The following OR11A1 variants were observed in gnomAD, a reference collection of about 807,000 sequenced individuals.
OR11A1 encodes the protein olfactory receptor 11A1.
For synonymous variants in OR11A1, 158 were observed against 152.2 expected (o/e 1.04, Z -0.28); for missense variants, 380 against 378.2 (o/e 1.00, Z -0.04).
chr6:29,435,468 T>C (rs1247956102), intron 1 of OR11A1, among the ~76,000 whole-genome samples: 1 of 152,184 alleles, frequency 6.6e-6, no homozygotes, highest in Non-Finnish European at 1.5e-5. Flanking sequence ...TCCATGAGTC[T>C]CCCATGTTAC....
chr6:29,436,883 C>T (rs896006694), intron 1 of OR11A1, among the ~76,000 whole-genome samples: 8 of 152,244 alleles, frequency 5.3e-5, no homozygotes, highest in Non-Finnish European at 7.3e-5. Flanking sequence ...CCGCAATCCT[C>T]TTCTCTCGGT....
intron 1 of OR11A1, among the ~76,000 whole-genome samples, chr6:29,450,862 A>G (rs1785296721): frequency 6.6e-6 from 1 of 152,218 alleles, no homozygotes. Context: ...AGAAACAACT[A>G]TTCTAAAATT....
intron 1 of OR11A1, among the ~76,000 whole-genome samples, chr6:29,446,256 C>T (rs36050447): frequency 0.023 from 3,462 of 152,218 alleles, 58 homozygotes; most frequent in Non-Finnish European, 0.034. Context: ...TTCAGTGGAT[C>T]CTCTTCATTC....
At chr6:29,452,941 T>C (rs1227067730) in intron 1 of OR11A1, among the ~76,000 whole-genome samples, 1 of 151,844 alleles carries the variant, frequency 6.6e-6, no homozygotes, top group Admixed American at 6.6e-5. Flanking sequence ...ACAAGGGTTG[T>C]AACATATGTA....
intron 1 of OR11A1, among the ~76,000 whole-genome samples, chr6:29,452,167 G>A (rs760756595): frequency 4.6e-5 from 7 of 151,966 alleles, no homozygotes; most frequent in Non-Finnish European, 7.4e-5. Context: ...TAGACACCAG[G>A]GCCTACTTGA....
chr6:29,436,370 A>G, intron 1 of OR11A1, among the ~76,000 whole-genome samples: 1 of 152,150 alleles, frequency 6.6e-6, no homozygotes. Context: ...CATGCTCCTG[A>G]GCACAAAAAT....
chr6:29,430,371 A>T lies in OR11A1; in HGVS notation c.-210T>A, dbSNP rs530022456. On this transcript the variant is annotated 5_prime_UTR_variant, in exon 3 of 5. Transcript: ENST00000377149. ...CTATGTGGGCCATCTTTAACTCTAG[A>T]TTATTTTATCTGGTCCAAACTCATT... is the stretch of plus-strand genomic sequence containing the variant. The T allele has an allele frequency of 6.1e-6, 6 of 985,306 alleles. No homozygotes were observed. In the Admixed American group the frequency reaches 3.7e-4, roughly 61 times the overall value. The allele number at this position is 985,306 out of a possible 1,614,324, so 61.0% of individuals were successfully genotyped here.
At chr6:29,454,356 TG>T (rs1785794126) in intron 1 of OR11A1, among the ~76,000 whole-genome samples, 2 of 151,768 alleles carry the variant, frequency 1.3e-5, no homozygotes, top group African/African-American at 4.8e-5. Context: ...GGGGCCCAGA[TG>T]GAAAAAAAAG....
At chr6:29,442,328 T>C (rs754373532) in intron 1 of OR11A1, among the ~76,000 whole-genome samples, 5 of 151,838 alleles carry the variant, frequency 3.3e-5, no homozygotes, top group Non-Finnish European at 2.9e-5. Context: ...TGCAGGAGAG[T>C]CAGTGAACTG....
intron 3 of OR11A1, among the ~76,000 whole-genome samples, chr6:29,429,974 A>G (rs910324254): frequency 6.6e-6 from 1 of 152,200 alleles, no homozygotes; most frequent in African/African-American, 2.4e-5. Context: ...CAAGAGTGAA[A>G]GAAGGGATGG....
At position 29,440,292 on chromosome 6, in the gene OR11A1, C is replaced by T. The variant is rs758622473; in HGVS notation, c.-388-8305G>A. 3.1e-6 allele frequency: 5 copies of T among 1,613,956 alleles called. No individual in the cohort carries two copies. The East Asian group carries it at 6.7e-5, about 22-fold the overall frequency. ...CCTTACTGGCCGGCGCCACATCTCT[C>T]GCTCTGGATGTGCTCTCCAGATGTT... On this transcript the variant is annotated intron_variant, in intron 1 of 4. Coordinates refer to ENST00000377149, the MANE Select transcript of OR11A1 (RefSeq NM_001394828.1).
rs115311516 is a variant in OR11A1 at position 29,451,999 on chromosome 6, A to G, written c.-389+4988T>C. ...ATATACCATGGAATACTATACACCC[A>G]TGAAAAATGAAATCATGGCCTTTGC... On this transcript the variant is annotated intron_variant, in intron 1 of 4. Transcript: ENST00000377149. Among the ~76,000 whole-genome samples the G allele has an allele frequency of 4.6e-3, 700 of 152,334 alleles. 6 individuals carry two copies. The highest frequency in any genetic ancestry group is 0.016 in the African/African-American group (651 of 41,572).
intron 1 of OR11A1, among the ~76,000 whole-genome samples, chr6:29,456,405 G>C (rs1786273390): frequency 1.3e-5 from 2 of 151,736 alleles, no homozygotes; most frequent in Admixed American, 1.3e-4. Context: ...AGCTATTCGG[G>C]AGGTTGAGGC....
At chr6:29,437,901 G>A (rs1224226394) in intron 1 of OR11A1, among the ~76,000 whole-genome samples, 1 of 152,158 alleles carries the variant, frequency 6.6e-6, no homozygotes, top group Non-Finnish European at 1.5e-5. Context: ...CTGGATCAGA[G>A]CAGCCATATT....
rs952919421 is a variant in OR11A1, at chr6:29,432,043, G to A, written c.-388-56C>T. 4 of 980,726 alleles carry A rather than the reference G, an allele frequency of 4.1e-6. No homozygotes were observed. In the East Asian group the frequency reaches 3.4e-4, roughly 84 times the overall value. The allele number at this position is 980,726 out of a possible 1,614,324, so 60.8% of individuals were successfully genotyped here. A position where few individuals can be genotyped will look rare whatever the true frequency, so the allele number is the denominator to read the frequency against. On this transcript the variant is annotated intron_variant, in intron 1 of 4. Transcript: ENST00000377149. ...GTCACCCTTGTTACCCTCCACTCCT[G>A]AGCCATTTTCTCTTCCACCCTCCAT...
chr6:29,435,839 C>T (rs1783587678), intron 1 of OR11A1, among the ~76,000 whole-genome samples: 2 of 151,998 alleles, frequency 1.3e-5, no homozygotes, highest in African/African-American at 4.8e-5. Context: ...TCTTTGTATC[C>T]CAAGAATATT....
intron 1 of OR11A1, among the ~76,000 whole-genome samples, chr6:29,441,178 A>T (rs933756680): frequency 3.9e-5 from 6 of 152,224 alleles, no homozygotes; most frequent in Admixed American, 1.3e-4. Flanking sequence ...GAAACCCAGG[A>T]TGGAGGATCA....
chr6:29,428,238 T>A lies in OR11A1; in HGVS notation c.-91-506A>T, dbSNP rs546288583. The stretch of plus-strand genomic sequence containing the variant: ...CCAACTGTTCCTCGGATAATTCTTA[T>A]ATATTCTTCACTTATTGCCTTCCTT... On this transcript the variant is annotated intron_variant, in intron 4 of 4. Transcript: ENST00000377149. 9.5e-4 allele frequency: 932 copies of A among 985,800 alleles called. 1 individual carries two copies. Among genetic ancestry groups the A allele is most frequent in the Middle Eastern group, 2.1e-3 (4 of 1,914 alleles). The allele number at this position is 985,800 out of a possible 1,614,324, so 61.1% of individuals were successfully genotyped here.
At chr6:29,440,563 T>A in intron 1 of OR11A1, 1 of 1,613,888 alleles carries the variant, frequency 6.2e-7, no homozygotes, top group Non-Finnish European at 8.5e-7. Context: ...ATCCAGCCTG[T>A]CCTGCAGCTG....
Sources: gnomAD v4.1 joint callset for allele counts (sites outside exome capture counted in the v4.1 genomes callset) on GRCh38, gnomAD v4.1.1 for gene constraint, MANE v1.5 for transcripts, NCBI Gene and HGNC (gene_info 2026-07-23, HGNC 2026-07-21) for gene names.